IFT122: variants seen among roughly 807,000 people sequenced by gnomAD.
IFT122 encodes intraflagellar transport 122.
A neutral mutation model predicts 161.6 loss-of-function variants in IFT122; 118 were observed. The ratio of observed to expected loss-of-function variants is 0.73; its 90% confidence interval spans 0.63 to 0.85. The LOEUF is 0.85. Among genes scored for constraint, IFT122 ranks in the 40% least tolerant of loss-of-function variants. The pLI is 0.00. For missense variants in IFT122, 1,381 were observed against 1,579.6 expected (o/e 0.87, Z 2.13); for synonymous variants, 550 against 602.4 (o/e 0.91, Z 1.27).
Position 129,514,541 on chromosome 3 carries a change from T to C in IFT122, c.3140T>C (p.Phe1047Ser). 6.2e-7 allele frequency: 1 copy of C among 1,614,200 alleles called. No homozygotes were observed. Among genetic ancestry groups the C allele is most frequent in the South Asian group, 1.1e-5 (1 of 91,082 alleles). ...LGTLTIRAKP[F>S]HDSEELVPLC... ...ACCCTGACCATCCGCGCCAAGCCCT[T>C]CCACGACAGTGAGGTGAGGATGCAG... Residue 1047 changes from phenylalanine (F) to serine (S), a missense_variant, in exon 25 of 30, where the codon TTC (phenylalanine) becomes TCC (serine). This residue lies in a region of IFT122 where 496 missense variants were observed against 502.5 expected (regional missense o/e 0.99). Transcript: ENST00000348417.
intron 6 of IFT122, 89 bp from the exon 7 acceptor site, chr3:129,464,546 T>C (rs971618599): frequency 1.6e-5 from 24 of 1,521,136 alleles, no homozygotes; most frequent in Admixed American, 1.0e-4. Context: ...ATCAGACTTT[T>C]ATTTCAAACC....
intron 9 of IFT122, among the ~76,000 whole-genome samples, chr3:129,474,770 A>C (rs1033687391): frequency 1.3e-5 from 2 of 152,214 alleles, no homozygotes; most frequent in African/African-American, 4.8e-5. Context: ...AGGAAGCACC[A>C]TCAAGAAAGA....
At chr3:129,499,521 T>C (rs1296086863) in intron 18 of IFT122, among the ~76,000 whole-genome samples, 1 of 152,230 alleles carries the variant, frequency 6.6e-6, no homozygotes, top group Admixed American at 6.5e-5. Context: ...CAGTCCTGTA[T>C]TGACCAAACT....
At chr3:129,452,067 C>T in intron 3 of IFT122, 69 bp downstream of exon 3, 1 of 1,193,238 alleles carries the variant, frequency 8.4e-7, no homozygotes, top group Non-Finnish European at 1.3e-6. Flanking sequence ...TCTTTAGTCA[C>T]TTTTTAATTA....
At chr3:129,503,482 C>T (rs1037467353) in intron 20 of IFT122, among the ~76,000 whole-genome samples, 1 of 152,128 alleles carries the variant, frequency 6.6e-6, no homozygotes, top group South Asian at 2.1e-4. Context: ...TTCTATGGCT[C>T]AACCCCCACC....
At chr3:129,486,024 G>A (rs1490071071) in intron 15 of IFT122, among the ~76,000 whole-genome samples, 2 of 152,222 alleles carry the variant, frequency 1.3e-5, no homozygotes, top group African/African-American at 4.8e-5. Flanking sequence ...GTAGGACAAC[G>A]AGCCCTAGGA....
At chr3:129,481,782 T>C (rs2078678244) in intron 14 of IFT122, 88 bp downstream of exon 14, 2 of 1,433,662 alleles carry the variant, frequency 1.4e-6, no homozygotes, top group Admixed American at 1.7e-5. Context: ...GCTCTCCTGC[T>C]CTGGCCCAGG....
chr3:129,464,591 G>A (rs756338919), intron 6 of IFT122, 44 bp from the exon 7 acceptor site: 4 of 1,613,288 alleles, frequency 2.5e-6, no homozygotes, highest in African/African-American at 2.7e-5. Flanking sequence ...CCTTCTGTGG[G>A]GTGCTTCCCC....
chr3:129,445,345 A>C (rs909453783), intron 1 of IFT122, among the ~76,000 whole-genome samples: 18 of 152,080 alleles, frequency 1.2e-4, no homozygotes, highest in African/African-American at 3.6e-4. Context: ...AAAAACAAAA[A>C]CAAAAAAACA....
chr3:129,440,325 G>A lies in IFT122; in HGVS notation c.-6G>A, dbSNP rs1392301857. ...AGGAGGAGCCCGAGCCGTAAGGGAA[G>A]CCGTGATGAGGGCCGTGTTGACGTG... On this transcript the variant is annotated 5_prime_UTR_variant, in exon 1 of 30. Transcript: ENST00000348417. 1 of 1,550,892 alleles carries A rather than the reference G, an allele frequency of 6.4e-7. No homozygotes were observed. The highest frequency in any genetic ancestry group is 2.0e-5 in the Admixed American group (1 of 51,008).
intron 11 of IFT122, 33 bp downstream of exon 11, chr3:129,476,834 A>G (rs776307587): frequency 6.2e-7 from 1 of 1,613,722 alleles, no homozygotes; most frequent in Non-Finnish European, 8.5e-7. Flanking sequence ...GGGAAGAGGG[A>G]CAGGTGGAAG....
At chr3:129,507,101 A>G (rs1020173533) in intron 22 of IFT122, among the ~76,000 whole-genome samples, 4 of 152,194 alleles carry the variant, frequency 2.6e-5, no homozygotes, top group Non-Finnish European at 2.9e-5. Flanking sequence ...GCAAGTCACA[A>G]TCCTTCCTGA....
intron 15 of IFT122, 59 bp from the exon 16 acceptor site, chr3:129,488,198 T>A (rs772509546): frequency 2.0e-5 from 33 of 1,613,036 alleles, no homozygotes; most frequent in Non-Finnish European, 2.5e-5. Flanking sequence ...TGTATGCATC[T>A]GGTTCTTTCC....
intron 27 of IFT122, 151 bp downstream of exon 27, chr3:129,517,745 CAGG>C: frequency 9.2e-7 from 1 of 1,092,126 alleles, no homozygotes; most frequent in Non-Finnish European, 1.4e-6. Flanking sequence ...CCACATGGGA[CAGG>C]GACAGGGATC....
At chr3:129,472,855 A>G (rs1301170651) in intron 9 of IFT122, among the ~76,000 whole-genome samples, 1 of 151,334 alleles carries the variant, frequency 6.6e-6, no homozygotes, top group African/African-American at 2.4e-5. Flanking sequence ...AACTTCCAAT[A>G]TTTTTCTTAA....
intron 16 of IFT122, among the ~76,000 whole-genome samples, chr3:129,489,464 T>G (rs990641693): frequency 2.0e-5 from 3 of 152,222 alleles, no homozygotes; most frequent in Admixed American, 1.3e-4. Flanking sequence ...ACAAGGGAAG[T>G]GATCGTTGTG....
In IFT122 at chr3:129,507,534, C is replaced by T. The variant is rs886633196; in HGVS notation, c.2792-134C>T. The T allele has an allele frequency of 3.2e-5, 25 of 778,788 alleles. No homozygotes were observed. In the East Asian group the frequency reaches 5.2e-4, roughly 16 times the overall value. The allele number at this position is 778,788 out of a possible 1,614,324, so 48.2% of individuals were successfully genotyped here. ...CCCCTCACTACACTTTGTCCCTCAC[C>T]CTGGCACAGACACTGTGTGGTGGGA... On this transcript the variant is annotated intron_variant, in intron 22 of 29. Transcript: ENST00000348417.
intron 7 of IFT122, among the ~76,000 whole-genome samples, chr3:129,465,313 C>CT (rs1431717871): frequency 6.6e-6 from 1 of 151,832 alleles, no homozygotes; most frequent in Non-Finnish European, 1.5e-5. Flanking sequence ...TTTCATGAGC[C>CT]TTTTTTTGCC....
At position 129,514,639 on chromosome 3, in the gene IFT122, T is replaced by C. The variant is rs1036808659; in HGVS notation, c.3153+85T>C. ...CTTCTTGCCTGGCCTGGGTTCCGTTTGAAGAGAGACAGCTGCAGCTCCCTC... is the reference window on the plus strand; with the variant it reads ...CTTCTTGCCTGGCCTGGGTTCCGTTCGAAGAGAGACAGCTGCAGCTCCCTC... On this transcript the variant is annotated intron_variant, in intron 25 of 29. Transcript: ENST00000348417. 6.7e-6 allele frequency: 10 copies of C among 1,497,898 alleles called. No homozygotes were observed. In the African/African-American group the frequency reaches 1.2e-4, roughly 19 times the overall value. The allele number at this position is 1,497,898 out of a possible 1,614,324, so 92.8% of individuals were successfully genotyped here. A position where few individuals can be genotyped will look rare whatever the true frequency, so the allele number is the denominator to read the frequency against.
Sources: allele counts gnomAD v4.1 joint callset (sites outside exome capture counted in the v4.1 genomes callset), GRCh38; gene constraint gnomAD v4.1.1; regional missense constraint gnomAD v4.1.1; transcripts MANE v1.5; gene names NCBI Gene and HGNC (gene_info 2026-07-23, HGNC 2026-07-21).